IFT81: variants seen among roughly 807,000 people sequenced by gnomAD.
IFT81 encodes intraflagellar transport protein 81 homolog.
Under a neutral mutation model 102.6 loss-of-function variants are expected in IFT81, and 72 were observed. The observed-to-expected ratio is 0.70, with a 90% CI of 0.58 to 0.85. The LOEUF (loss-of-function observed/expected upper bound fraction) is 0.85, where lower values mean the gene tolerates loss of function less well. Ranked by LOEUF, IFT81 falls within the 40% of genes least tolerant of loss-of-function variation. The pLI is 0.00. For synonymous variants in IFT81, 237 were observed against 242.7 expected (o/e 0.98, Z 0.22); for missense variants, 723 against 787.3 (o/e 0.92, Z 0.98).
At chr12:110,182,884 A>G (rs1593347345) in intron 12 of IFT81, among the ~76,000 whole-genome samples, 1 of 152,172 alleles carries the variant, frequency 6.6e-6, no homozygotes, top group Non-Finnish European at 1.5e-5. Context: ...GGTGACACCT[A>G]TACTTTCATC....
intron 11 of IFT81, among the ~76,000 whole-genome samples, chr12:110,163,649 T>A (rs961142180): frequency 1.4e-5 from 2 of 142,564 alleles, no homozygotes; most frequent in African/African-American, 5.3e-5. Context: ...GGAGTCTCGC[T>A]CTGTCGCCCA....
rs367874548 is a variant in IFT81 at position 110,128,056 on chromosome 12, A to G, written c.155A>G (p.Asp52Gly). Residue 52 changes from aspartate (D) to glycine (G), a missense_variant, in exon 3 of 19, where the codon GAT becomes GGT. Coordinates refer to ENST00000242591, the MANE Select transcript of IFT81 (RefSeq NM_014055.4). ...LAEIDPKQLVDIREEMPEQTA... is the reference protein window; with the variant it reads ...LAEIDPKQLVGIREEMPEQTA... Reference sequence around the variant, plus strand: ...CAATTTCTTTGTTAGCAACTTGTGGATATCAGAGAGGAGATGCCAGAGCAG... The same window carrying G: ...CAATTTCTTTGTTAGCAACTTGTGGGTATCAGAGAGGAGATGCCAGAGCAG... The G allele has an allele frequency of 1.1e-4, 174 of 1,609,936 alleles. No homozygotes were observed. The highest frequency in any genetic ancestry group is 1.4e-4 in the Non-Finnish European group (164 of 1,176,400).
chr12:110,170,662 T>C (rs1896686950), intron 11 of IFT81, among the ~76,000 whole-genome samples: 1 of 152,218 alleles, frequency 6.6e-6, no homozygotes, highest in Non-Finnish European at 1.5e-5. Context: ...GCAATAAATG[T>C]ACCTCCAGTT....
Position 110,218,450 on chromosome 12 carries a change from G to A in IFT81, c.*224G>A, listed in dbSNP as rs982979633. ...TTTCCATAGTTTAGACATCACTGGC[G>A]TCTTCTGAGTTTTATGAGACAGGAA... On this transcript the variant is annotated 3_prime_UTR_variant, in exon 19 of 19. Transcript: ENST00000242591. 10 of 348,076 alleles carry A rather than the reference G, an allele frequency of 2.9e-5. No individual in the cohort carries two copies. The highest frequency in any genetic ancestry group is 6.3e-5 in the African/African-American group (3 of 47,424). 21.6% of individuals were successfully genotyped at this position (348,076 alleles called of 1,614,324 possible).
At chr12:110,163,697 C>T (rs1409179316) in intron 11 of IFT81, among the ~76,000 whole-genome samples, 1 of 150,196 alleles carries the variant, frequency 6.7e-6, no homozygotes. Flanking sequence ...CTCCCTGCAA[C>T]CTCTGCCTTC....
At chr12:110,164,073 G>A (rs1407740463) in intron 11 of IFT81, among the ~76,000 whole-genome samples, 2 of 152,120 alleles carry the variant, frequency 1.3e-5, no homozygotes, top group Non-Finnish European at 2.9e-5. Flanking sequence ...ATATCATTAA[G>A]TTATTTTGTC....
chr12:110,202,655 A>G (rs183594872), intron 14 of IFT81, among the ~76,000 whole-genome samples: 8 of 150,894 alleles, frequency 5.3e-5, no homozygotes, highest in Admixed American at 4.6e-4. Context: ...GGGTTTTACC[A>G]TGTTGGCCAG....
chr12:110,127,237 G>A lies in IFT81; in HGVS notation c.-21-123G>A, dbSNP rs145754205. On this transcript the variant is annotated intron_variant, in intron 1 of 18. Coordinates refer to ENST00000242591, the MANE Select transcript of IFT81 (RefSeq NM_014055.4). ...TTTCAACAAAATAACCCTTTTCACA[G>A]CATTTTGTATGCCATGTAAAATTAT... 1.2e-4 allele frequency: 117 copies of A among 951,668 alleles called. 1 individual carries two copies. In the African/African-American group the frequency reaches 1.8e-3, roughly 14 times the overall value. 59.0% of individuals were successfully genotyped at this position (951,668 alleles called of 1,614,324 possible).
chr12:110,176,629 A>G (rs1407287813), intron 11 of IFT81, among the ~76,000 whole-genome samples: 1 of 152,250 alleles, frequency 6.6e-6, no homozygotes, highest in East Asian at 1.9e-4. Flanking sequence ...CCAATGGAAG[A>G]AAAAACATTG....
chr12:110,185,448 C>G (rs940083053), intron 12 of IFT81, among the ~76,000 whole-genome samples: 1 of 152,064 alleles, frequency 6.6e-6, no homozygotes, highest in Non-Finnish European at 1.5e-5. Context: ...CCTCGGCCTC[C>G]CAAAGTGCTG....
chr12:110,176,514 A>G (rs1232778618), intron 11 of IFT81, among the ~76,000 whole-genome samples: 2 of 152,244 alleles, frequency 1.3e-5, no homozygotes. Flanking sequence ...CTTGTGTTTT[A>G]TAAGTCTGAA....
Position 110,205,439 on chromosome 12 carries a change from A to G in IFT81, c.1645-4A>G. 1 of 1,585,558 alleles carries G rather than the reference A, an allele frequency of 6.3e-7. No individual in the cohort carries two copies. The highest frequency in any genetic ancestry group is 8.5e-7 in the Non-Finnish European group (1 of 1,171,100). ...TGTCACCTATCTAAAATTATATATT[A>G]TAGGAAGTTAGAAGACTCCGTGAAG... is the stretch of plus-strand genomic sequence containing the variant. On this transcript the variant is annotated splice_polypyrimidine_tract_variant and splice_region_variant and intron_variant, in intron 15 of 18. Coordinates refer to ENST00000242591, the MANE Select transcript of IFT81 (RefSeq NM_014055.4).
intron 12 of IFT81, among the ~76,000 whole-genome samples, chr12:110,186,378 CA>C (rs2137533667): frequency 6.6e-6 from 1 of 152,206 alleles, no homozygotes; most frequent in South Asian, 2.1e-4. Flanking sequence ...CTTTTTTATT[CA>C]CCTGGCTTAA....
At position 110,181,578 on chromosome 12, in the gene IFT81, A is replaced by G. The variant is rs139687960; in HGVS notation, c.1338+1007A>G. ...TTCATGTGCAGTGAAGAGAATGTAT[A>G]TTCTGCAGTTGTTGGGAATAGTATT... is the stretch of plus-strand genomic sequence containing the variant. On this transcript the variant is annotated intron_variant, in intron 12 of 18. Transcript: ENST00000242591. Among the ~76,000 whole-genome samples the G allele has an allele frequency of 2.0e-5, 3 of 152,302 alleles. No individual in the cohort carries two copies. In the East Asian group the frequency reaches 5.8e-4, roughly 29 times the overall value.
chr12:110,153,536 C>A (rs1467494092), intron 10 of IFT81, among the ~76,000 whole-genome samples: 1 of 150,668 alleles, frequency 6.6e-6, no homozygotes, highest in East Asian at 2.0e-4. Flanking sequence ...CCGCGCCCAG[C>A]CTGGTATTCG....
chr12:110,195,159 A>C (rs1312767858), intron 14 of IFT81, among the ~76,000 whole-genome samples: 3 of 152,106 alleles, frequency 2.0e-5, no homozygotes, highest in African/African-American at 7.2e-5. Context: ...TTTCAATTTT[A>C]AAGCCTATAA....
At position 110,191,441 on chromosome 12, in the gene IFT81, G is replaced by C. The variant is rs139244496; in HGVS notation, c.1467+393G>C. ...CTGCCTCAGCCTCCCAAAGTGCTGG[G>C]ATTACAGGCGTGAGCCACTACACCC... On this transcript the variant is annotated intron_variant, in intron 13 of 18. Transcript: ENST00000242591. Among the ~76,000 whole-genome samples the C allele has an allele frequency of 6.9e-3, 1,047 of 152,210 alleles. 2 individuals carry two copies. Among genetic ancestry groups the C allele is most frequent in the Non-Finnish European group, 9.5e-3 (644 of 67,994 alleles).
chr12:110,191,093 A>G (rs781014115), intron 13 of IFT81, 45 bp downstream of exon 13: 29 of 1,540,868 alleles, frequency 1.9e-5, no homozygotes, highest in Non-Finnish European at 2.4e-5. Flanking sequence ...TGTAGCTAGA[A>G]GGCAGGTGTT....
In IFT81 at chr12:110,135,386, A is replaced by C; in HGVS notation, c.645A>C (p.Glu215Asp). Residue 215 changes from glutamate to aspartate, a missense_variant, in exon 7 of 19, where the codon GAA becomes GAC. Physicochemically the swap from Glu to Asp is conservative, Grantham distance 45. Coordinates refer to ENST00000242591, the MANE Select transcript of IFT81 (RefSeq NM_014055.4). Reference protein sequence around the residue: ...MLKIARQLRVEKEREEYLAQQ... With the variant: ...MLKIARQLRVDKEREEYLAQQ... ...AAATAGCAAGGCAACTTCGAGTTGA[A>C]AAAGAGAGAGAAGAATATCTTGCAC... The C allele has an allele frequency of 6.2e-7, 1 of 1,613,614 alleles. No homozygotes were observed.
Sources: allele counts gnomAD v4.1 joint callset (sites outside exome capture counted in the v4.1 genomes callset), GRCh38; gene constraint gnomAD v4.1.1; transcripts MANE v1.5; gene names NCBI Gene and HGNC (gene_info 2026-07-23, HGNC 2026-07-21).